Variants in IRS1 observed in about 807,000 individuals in gnomAD.
IRS1 encodes the protein insulin receptor substrate 1.
IRS1 carries 34 observed loss-of-function variants against 65.6 expected under a neutral mutation model. The ratio of observed to expected loss-of-function variants is 0.52; its 90% CI spans 0.39 to 0.69. IRS1 has a LOEUF of 0.69. Among genes scored for constraint, IRS1 ranks in the 30% least tolerant of loss-of-function variants. The pLI is 0.00. For synonymous variants in IRS1, 699 were observed against 683.5 expected (o/e 1.02, Z -0.35); for missense variants, 1,641 against 1,720.2 (o/e 0.95, Z 0.81).
intron 1 of IRS1, among the ~76,000 whole-genome samples, chr2:226,745,484 T>C (rs1177052973): frequency 1.3e-5 from 2 of 152,238 alleles, no homozygotes; most frequent in African/African-American, 4.8e-5. Context: ...GAATTAAAAT[T>C]TGAAAGGAAA....
At chr2:226,760,785 T>TA (rs1457678181) in intron 1 of IRS1, among the ~76,000 whole-genome samples, 1 of 152,222 alleles carries the variant, frequency 6.6e-6, no homozygotes, top group Non-Finnish European at 1.5e-5. Context: ...TTTGCTTTTT[T>TA]AAAAAATTGA....
chr2:226,774,338 G>T (rs761081551), intron 1 of IRS1, among the ~76,000 whole-genome samples: 1 of 152,172 alleles, frequency 6.6e-6, no homozygotes, highest in Non-Finnish European at 1.5e-5. Flanking sequence ...GATCACAGTG[G>T]TTCCAAGGTG....
chr2:226,759,907 G>A (rs926479446), intron 1 of IRS1, among the ~76,000 whole-genome samples: 3 of 152,206 alleles, frequency 2.0e-5, no homozygotes, highest in African/African-American at 7.2e-5. Flanking sequence ...GGGTGCTGTG[G>A]CTCACACCTG....
intron 1 of IRS1, among the ~76,000 whole-genome samples, chr2:226,783,911 C>A (rs989329141): frequency 6.6e-6 from 1 of 152,036 alleles, no homozygotes; most frequent in African/African-American, 2.4e-5. Flanking sequence ...CTGTTCAATA[C>A]CACGTGAGGA....
chr2:226,743,500 G>T (rs1340279804), intron 1 of IRS1, among the ~76,000 whole-genome samples: 3 of 152,162 alleles, frequency 2.0e-5, no homozygotes, highest in Admixed American at 6.5e-5. Context: ...AAAGTGCTGG[G>T]ATTACAGGTG....
chr2:226,767,806 GT>G (rs1357161905), intron 1 of IRS1, among the ~76,000 whole-genome samples: 1 of 152,126 alleles, frequency 6.6e-6, no homozygotes, highest in Non-Finnish European at 1.5e-5. Flanking sequence ...TATCTAAGAG[GT>G]CTCAGCTGAT....
In IRS1 at chr2:226,792,012, C is replaced by T. The variant is rs1006631580; in HGVS notation, c.*21+2977G>A. 3 of 152,372 alleles carry T rather than the reference C, an allele frequency of 2.0e-5. No homozygotes were observed. The East Asian group carries it at 5.8e-4, about 29-fold the overall frequency. 9.4% of individuals were successfully genotyped at this position (152,372 alleles called of 1,614,324 possible). A position where few individuals can be genotyped will look rare whatever the true frequency, so the allele number is the denominator to read the frequency against. On this transcript the variant is annotated intron_variant, in intron 1 of 1. Transcript: ENST00000305123. ...CCAGGGCCGAGAGGGTTTGCGCCAG[C>T]CAAAAAGGCCACAGGGCTGGGGAAA...
At chr2:226,785,644 T>C (rs1939471518) in intron 1 of IRS1, among the ~76,000 whole-genome samples, 1 of 152,134 alleles carries the variant, frequency 6.6e-6, no homozygotes, top group African/African-American at 2.4e-5. Flanking sequence ...ATAAGACACA[T>C]TTCTTAATTT....
intron 1 of IRS1, among the ~76,000 whole-genome samples, chr2:226,756,207 C>T (rs748591545): frequency 2.8e-4 from 43 of 152,096 alleles, no homozygotes; most frequent in Non-Finnish European, 4.7e-4. Context: ...ATCTTATACC[C>T]GCATGTCTAA....
rs775770356 is a variant in IRS1 at position 226,795,320 on chromosome 2, C to T, written c.3419G>A (p.Arg1140His). The T allele has an allele frequency of 4.3e-6, 7 of 1,613,650 alleles. No homozygotes were observed. Among genetic ancestry groups the T allele is most frequent in the East Asian group, 4.5e-5 (2 of 44,868 alleles). The change falls in exon 1 of 2, where the codon CGC becomes CAC. Residue 1140 changes from arginine to histidine, a missense_variant. Coordinates refer to ENST00000305123, the MANE Select transcript of IRS1 (RefSeq NM_005544.3). ...GSSSSSEDVK[R>H]HSSASFENVW... is the part of the protein sequence containing the mutation. ...ATTCTCAAAGGAAGCAGAGCTGTGG[C>T]GTTTCACATCCTCGCTGCTGCTGCT...
At chr2:226,736,942 T>C (rs1033464256) in intron 1 of IRS1, among the ~76,000 whole-genome samples, 1 of 152,088 alleles carries the variant, frequency 6.6e-6, no homozygotes, top group African/African-American at 2.4e-5. Flanking sequence ...CTTTTTTTTT[T>C]ACTTTTTTTA....
chr2:226,748,768 CTT>C (rs1224245098), intron 1 of IRS1, among the ~76,000 whole-genome samples: 1 of 152,126 alleles, frequency 6.6e-6, no homozygotes, highest in Non-Finnish European at 1.5e-5. Context: ...TTTCCCAAAA[CTT>C]AATATTGACA....
At position 226,799,736 on chromosome 2, in the gene IRS1, C is replaced by T. The variant is rs1426187759; in HGVS notation, c.-998G>A. 1.0e-6 allele frequency: 1 copy of T among 999,294 alleles called. No homozygotes were observed. The highest frequency in any genetic ancestry group is 1.2e-6 in the Non-Finnish European group (1 of 830,034). The allele number at this position is 999,294 out of a possible 1,614,324, so 61.9% of individuals were successfully genotyped here. A position where few individuals can be genotyped will look rare whatever the true frequency, so the allele number is the denominator to read the frequency against. The stretch of plus-strand genomic sequence containing the variant: ...AGCGGCGGCGTCTGGCTCTGCGCGC[C>T]GGCCCCCTCCGACCGCGCCGCCGTC... On this transcript the variant is annotated 5_prime_UTR_variant, in exon 1 of 2. Coordinates refer to ENST00000305123, the MANE Select transcript of IRS1 (RefSeq NM_005544.3). The surrounding 1 kb of genome is among the most constrained non-coding windows in gnomAD (Gnocchi z 6.1).
rs962044581 is a variant in IRS1, at chr2:226,734,048, G to C, written c.*2224C>G. The stretch of plus-strand genomic sequence containing the variant: ...TGAGAAATAATAACCAGCTTTACAG[G>C]AAAATGGTTGGGAGTGACTTTGTTC... On this transcript the variant is annotated 3_prime_UTR_variant, in exon 2 of 2. Transcript: ENST00000305123. 1 of 152,120 alleles carries C rather than the reference G, an allele frequency of 6.6e-6. No individual in the cohort carries two copies. Among genetic ancestry groups the C allele is most frequent in the Non-Finnish European group, 1.5e-5 (1 of 68,018 alleles). 9.4% of individuals were successfully genotyped at this position (152,120 alleles called of 1,614,324 possible). A position where few individuals can be genotyped will look rare whatever the true frequency, so the allele number is the denominator to read the frequency against.
At chr2:226,769,950 T>C (rs562182583) in intron 1 of IRS1, among the ~76,000 whole-genome samples, 1 of 152,208 alleles carries the variant, frequency 6.6e-6, no homozygotes, top group African/African-American at 2.4e-5. Flanking sequence ...TGCTCTCCTG[T>C]CTGGTAAGCA....
At chr2:226,786,570 C>T (rs1939490197) in intron 1 of IRS1, among the ~76,000 whole-genome samples, 1 of 149,974 alleles carries the variant, frequency 6.7e-6, no homozygotes, top group African/African-American at 2.5e-5. Context: ...CAAAACCCAG[C>T]AGTGATGGTG....
At position 226,735,648 on chromosome 2, in the gene IRS1, A is replaced by T. The variant is rs760611394; in HGVS notation, c.*624T>A. ...TCTGAATTACAATCTTAAAACAAGGATCATACCCTATTCTACTCTTTTAAG... is the reference window on the plus strand; with the variant it reads ...TCTGAATTACAATCTTAAAACAAGGTTCATACCCTATTCTACTCTTTTAAG... On this transcript the variant is annotated 3_prime_UTR_variant, in exon 2 of 2. Transcript: ENST00000305123. 6.6e-6 allele frequency: 1 copy of T among 152,614 alleles called. No individual in the cohort carries two copies. The highest frequency in any genetic ancestry group is 2.4e-5 in the African/African-American group (1 of 41,436). The allele number at this position is 152,614 out of a possible 1,614,324, so 9.5% of individuals were successfully genotyped here.
chr2:226,787,197 T>C (rs908897203), intron 1 of IRS1, among the ~76,000 whole-genome samples: 13 of 152,146 alleles, frequency 8.5e-5, no homozygotes, highest in African/African-American at 2.9e-4. Context: ...AGATATCTTT[T>C]TTCCTGCTTT....
At position 226,796,424 on chromosome 2, in the gene IRS1, T is replaced by G; in HGVS notation, c.2315A>C (p.Lys772Thr). Reference protein sequence around the residue: ...LSYYSLPRSFKHTQRPGEPEE... With the variant: ...LSYYSLPRSFTHTQRPGEPEE... ...CGGCTCCCCGGGGCGCTGGGTGTGC[T>G]TAAAGGATCTTGGCAATGAGTAGTA... Residue 772 changes from lysine (K) to threonine (T), a missense_variant, in exon 1 of 2, where the codon AAG (lysine) becomes ACG (threonine). Physicochemically the swap from Lys to Thr is moderately conservative, Grantham distance 78. Around this residue, in one of 3 missense-constraint regions of IRS1, gnomAD observed 1,324 missense variants for 1,361.0 expected, o/e 0.97. Coordinates refer to ENST00000305123, the MANE Select transcript of IRS1 (RefSeq NM_005544.3). 6.2e-7 allele frequency: 1 copy of G among 1,613,652 alleles called. No homozygotes were observed. The highest frequency in any genetic ancestry group is 8.5e-7 in the Non-Finnish European group (1 of 1,180,048).
Sources: gnomAD v4.1 joint callset for allele counts (sites outside exome capture counted in the v4.1 genomes callset) on GRCh38, gnomAD v4.1.1 for gene constraint, gnomAD v4.1.1 regional missense constraint, Gnocchi (gnomAD v3.1) non-coding constraint, MANE v1.5 for transcripts, NCBI Gene and HGNC (gene_info 2026-07-23, HGNC 2026-07-21) for gene names.